PAMR1: variants seen among roughly 807,000 people sequenced by gnomAD.
PAMR1 encodes inactive serine protease PAMR1.
A neutral mutation model predicts 81.8 loss-of-function variants in PAMR1; 88 were observed. That is an observed-to-expected ratio of 1.08 (90% CI 0.91 to 1.28). The LOEUF is 1.28. PAMR1 is among the 50% of genes most tolerant of loss of function. PAMR1 has a pLI of 0.00. For synonymous variants in PAMR1, 336 were observed against 345.3 expected (o/e 0.97, Z 0.30); for missense variants, 935 against 919.7 (o/e 1.02, Z -0.21).
chr11:35,485,828 C>T (rs1850489558), intron 3 of PAMR1, among the ~76,000 whole-genome samples: 1 of 152,108 alleles, frequency 6.6e-6, no homozygotes. Flanking sequence ...TCTTCAGAGA[C>T]ACTCAGAAGG....
chr11:35,497,009 T>C (rs997636785), intron 1 of PAMR1, among the ~76,000 whole-genome samples: 1 of 151,764 alleles, frequency 6.6e-6, no homozygotes, highest in Non-Finnish European at 1.5e-5. Flanking sequence ...CAACTAAAGA[T>C]ACAAAAAATT....
At chr11:35,435,161 A>C (rs1350789143) in intron 9 of PAMR1, among the ~76,000 whole-genome samples, 5 of 152,168 alleles carry the variant, frequency 3.3e-5, no homozygotes, top group Admixed American at 6.5e-5. Context: ...ATTAAATGAG[A>C]TGGTACATGC....
chr11:35,527,401 A>T (rs932917989), upstream of PAMR1, among the ~76,000 whole-genome samples: 1 of 152,230 alleles, frequency 6.6e-6, no homozygotes, highest in Non-Finnish European at 1.5e-5. Flanking sequence ...ATTAATCATT[A>T]TCTCTATTAT....
chr11:35,478,311 G>A (rs1159158179), intron 3 of PAMR1, among the ~76,000 whole-genome samples: 1 of 152,160 alleles, frequency 6.6e-6, no homozygotes, highest in Admixed American at 6.5e-5. Context: ...CCCGATCCCT[G>A]GCCATGTGAA....
chr11:35,452,523 C>G (rs955377351), intron 6 of PAMR1, among the ~76,000 whole-genome samples: 4 of 152,090 alleles, frequency 2.6e-5, no homozygotes, highest in African/African-American at 9.7e-5. Flanking sequence ...TCAAAGCCAG[C>G]TAAATATGAA....
intron 6 of PAMR1, among the ~76,000 whole-genome samples, chr11:35,456,272 T>C (rs1468513975): frequency 6.6e-6 from 1 of 152,190 alleles, no homozygotes; most frequent in Non-Finnish European, 1.5e-5. Context: ...TTAGATGAAT[T>C]TGAATGAGGT....
chr11:35,466,094 T>C (rs10501140), intron 6 of PAMR1, among the ~76,000 whole-genome samples: 104,980 of 151,500 alleles, frequency 0.69, 36,535 homozygotes, highest in African/African-American at 0.74. Context: ...TTTATCAAAG[T>C]ATTGTGTAAT....
At chr11:35,470,478 G>A (rs1856832963) in intron 5 of PAMR1, 123 bp downstream of exon 5, 1 of 750,738 alleles carries the variant, frequency 1.3e-6, no homozygotes, top group Non-Finnish European at 2.2e-6. Flanking sequence ...TGTGTAGGCT[G>A]TTTCTAAGAA....
At chr11:35,490,354 CAT>C (rs1380369307) in intron 3 of PAMR1, among the ~76,000 whole-genome samples, 1 of 152,192 alleles carries the variant, frequency 6.6e-6, no homozygotes, top group Admixed American at 6.5e-5. Flanking sequence ...CTTTCCCTCT[CAT>C]GTGCACAGAG....
intron 1 of PAMR1, among the ~76,000 whole-genome samples, chr11:35,502,333 G>A (rs957404894): frequency 2.6e-5 from 4 of 152,114 alleles, no homozygotes; most frequent in Non-Finnish European, 5.9e-5. Flanking sequence ...TGCCATGATG[G>A]TTTGCTGCAC....
chr11:35,510,828 C>T (rs1851059314), intron 1 of PAMR1, among the ~76,000 whole-genome samples: 1 of 152,190 alleles, frequency 6.6e-6, no homozygotes, highest in South Asian at 2.1e-4. Context: ...CTGATCCCCT[C>T]TTTAAAATCA....
chr11:35,509,925 G>T (rs1459070882), intron 1 of PAMR1, among the ~76,000 whole-genome samples: 1 of 152,152 alleles, frequency 6.6e-6, no homozygotes, highest in African/African-American at 2.4e-5. Context: ...ATTTTACCTT[G>T]TCGGTGCTTC....
chr11:35,516,247 G>C (rs181478774), intron 1 of PAMR1, among the ~76,000 whole-genome samples: 2 of 152,296 alleles, frequency 1.3e-5, no homozygotes, highest in Admixed American at 1.3e-4. Context: ...ACCCTGATCA[G>C]TGTTTCAAAC....
chr11:35,443,598 T>C (rs907663029), intron 6 of PAMR1, among the ~76,000 whole-genome samples: 2 of 152,248 alleles, frequency 1.3e-5, no homozygotes, highest in African/African-American at 4.8e-5. Flanking sequence ...ATTTTCTTTA[T>C]CCAGTCTATC....
chr11:35,475,649 T>C (rs1850271946), intron 3 of PAMR1, among the ~76,000 whole-genome samples: 1 of 152,198 alleles, frequency 6.6e-6, no homozygotes, highest in Non-Finnish European at 1.5e-5. Flanking sequence ...ATTTGGATCA[T>C]GAAATAAATG....
rs1192762808 is a variant in PAMR1 at position 35,468,149 on chromosome 11, A to G, written c.713-41T>C. 1.3e-5 allele frequency: 17 copies of G among 1,269,608 alleles called. No individual in the cohort carries two copies. In the East Asian group the frequency reaches 1.8e-4, roughly 13 times the overall value. 78.6% of individuals were successfully genotyped at this position (1,269,608 alleles called of 1,614,324 possible). ...CATCCTTCAGTGCCACTATACATTG[A>G]GTCGATGTCTTCAGGCCCAGAGTCT... is the stretch of plus-strand genomic sequence containing the variant. On this transcript the variant is annotated intron_variant, in intron 5 of 10. Coordinates refer to ENST00000619888, the MANE Select transcript of PAMR1 (RefSeq NM_001001991.3).
intron 6 of PAMR1, among the ~76,000 whole-genome samples, chr11:35,444,881 T>A (rs556742457): frequency 6.6e-6 from 1 of 152,358 alleles, no homozygotes; most frequent in African/African-American, 2.4e-5. Flanking sequence ...GTGAAGAATG[T>A]CAATGCTAGT....
intron 1 of PAMR1, among the ~76,000 whole-genome samples, chr11:35,520,069 G>C (rs950541611): frequency 1.3e-5 from 2 of 152,168 alleles, no homozygotes; most frequent in African/African-American, 4.8e-5. Flanking sequence ...GGAGTGCCTA[G>C]TGTTTACCAC....
At chr11:35,497,933 C>T (rs566108920) in intron 1 of PAMR1, among the ~76,000 whole-genome samples, 1 of 152,078 alleles carries the variant, frequency 6.6e-6, no homozygotes, top group Non-Finnish European at 1.5e-5. Context: ...GAAGGGAAGC[C>T]ATCCAGTTAG....
Sources: gnomAD v4.1 joint callset for allele counts (sites outside exome capture counted in the v4.1 genomes callset) on GRCh38, gnomAD v4.1.1 for gene constraint, MANE v1.5 for transcripts, NCBI Gene and HGNC (gene_info 2026-07-23, HGNC 2026-07-21) for gene names.